The following DAZAP2 variants were observed in gnomAD, a reference collection of about 807,000 sequenced individuals.
DAZAP2 encodes the protein DAZ associated protein 2.
A neutral mutation model predicts 16.2 loss-of-function variants in DAZAP2; 3 were observed. The observed-to-expected ratio is 0.19, with a 90% CI of 0.08 to 0.48. The LOEUF (loss-of-function observed/expected upper bound fraction) is 0.48, where lower values mean the gene tolerates loss of function less well. Ranked by LOEUF, DAZAP2 falls within the 20% of genes least tolerant of loss-of-function variation. The probability of loss-of-function intolerance (pLI) is 0.98; values close to 1 mark genes in which losing one functional copy is unlikely to be tolerated. For synonymous variants in DAZAP2, 69 were observed against 77.6 expected, an observed-to-expected ratio of 0.89 and a Z score of 0.58; for missense variants, 172 against 215.9, an observed-to-expected ratio of 0.80 and a Z score of 1.27.
In DAZAP2 at chr12:51,242,947, C is replaced by T. The variant is rs891331325; in HGVS notation, c.*489C>T. The T allele has an allele frequency of 9.2e-7, 1 of 1,092,662 alleles. No homozygotes were observed. Among genetic ancestry groups the T allele is most frequent in the African/African-American group, 1.7e-5 (1 of 59,820 alleles). 67.7% of individuals were successfully genotyped at this position (1,092,662 alleles called of 1,614,324 possible). On this transcript the variant is annotated 3_prime_UTR_variant, in exon 4 of 4. Transcript: ENST00000412716. The stretch of plus-strand genomic sequence containing the variant: ...CCATCCCTTGCCCCACCCATCCCAT[C>T]TCCAACCCTAGTCTTCCATTTCCTC...
Position 51,242,556 on chromosome 12 carries a change from T to C in DAZAP2, c.*98T>C, listed in dbSNP as rs1944696789. Reference sequence around the variant, plus strand: ...GTCATATTAACCTGAAGTTGCAGTTTAGACACATGTTGTTGGGGTGTCTTT... The same window carrying C: ...GTCATATTAACCTGAAGTTGCAGTTCAGACACATGTTGTTGGGGTGTCTTT... On this transcript the variant is annotated 3_prime_UTR_variant, in exon 4 of 4. Coordinates refer to ENST00000412716, the MANE Select transcript of DAZAP2 (RefSeq NM_014764.4). 2 of 1,612,566 alleles carry C rather than the reference T, an allele frequency of 1.2e-6. No individual in the cohort carries two copies. Among genetic ancestry groups the C allele is most frequent in the South Asian group, 1.1e-5 (1 of 91,020 alleles).
chr12:51,241,561 A>G (rs541276530), intron 3 of DAZAP2, among the ~76,000 whole-genome samples: 1 of 152,290 alleles, frequency 6.6e-6, no homozygotes, highest in Non-Finnish European at 1.5e-5. Context: ...TTCCTACTTA[A>G]TTCCCCAGTG....
In DAZAP2 at chr12:51,243,610, C is replaced by T. The variant is rs1242538893; in HGVS notation, c.*1152C>T. On this transcript the variant is annotated 3_prime_UTR_variant, in exon 4 of 4. Coordinates refer to ENST00000412716, the MANE Select transcript of DAZAP2 (RefSeq NM_014764.4). The stretch of plus-strand genomic sequence containing the variant: ...ATTTTATCTTATAATTTCAGTTCAT[C>T]TAAATTGTGTGTTCTGTACATGTGA... The T allele has an allele frequency of 4.1e-6, 4 of 985,508 alleles. No individual in the cohort carries two copies. Among genetic ancestry groups the T allele is most frequent in the Non-Finnish European group, 4.8e-6 (4 of 829,820 alleles). 61.0% of individuals were successfully genotyped at this position (985,508 alleles called of 1,614,324 possible). A position where few individuals can be genotyped will look rare whatever the true frequency, so the allele number is the denominator to read the frequency against.
downstream of DAZAP2, chr12:51,244,659 A>G (rs544975727): frequency 3.9e-5 from 6 of 152,280 alleles, no homozygotes; most frequent in East Asian, 9.6e-4. Flanking sequence ...ACTTATCTTG[A>G]GACTAAAATC....
At chr12:51,239,973 T>G (rs1944641323) in intron 1 of DAZAP2, 1 of 226,112 alleles carries the variant, frequency 4.4e-6, no homozygotes, top group Non-Finnish European at 8.8e-6. Context: ...CTGGGCTGGT[T>G]GTAGACAGGC....
In DAZAP2 at chr12:51,242,677, C is replaced by G. The variant is rs1944699608; in HGVS notation, c.*219C>G. ...AAGCATTTTGAGGTAGGGGAGGTAT[C>G]CATTCATAAAATGAATGTGGGTGAA... On this transcript the variant is annotated 3_prime_UTR_variant, in exon 4 of 4. Coordinates refer to ENST00000412716, the MANE Select transcript of DAZAP2 (RefSeq NM_014764.4). The G allele has an allele frequency of 2.6e-6, 4 of 1,513,492 alleles. No individual in the cohort carries two copies. The highest frequency in any genetic ancestry group is 4.4e-5 in the Admixed American group (2 of 45,250). The allele number at this position is 1,513,492 out of a possible 1,614,324, so 93.8% of individuals were successfully genotyped here.
downstream of DAZAP2, among the ~76,000 whole-genome samples, chr12:51,244,093 T>C (rs36093915): frequency 0.027 from 4,170 of 152,352 alleles, 184 homozygotes; most frequent in African/African-American, 0.095. Context: ...AAGGTTCTGG[T>C]ATAGCAATTT....
intron 3 of DAZAP2, among the ~76,000 whole-genome samples, chr12:51,241,692 C>T (rs1457749521): frequency 2.0e-5 from 3 of 152,098 alleles, no homozygotes; most frequent in Admixed American, 6.6e-5. Flanking sequence ...GGGCGAAGCA[C>T]GGTGGCTCAC....
Position 51,243,172 on chromosome 12 carries a change from G to A in DAZAP2, c.*714G>A, listed in dbSNP as rs1329677796. On this transcript the variant is annotated 3_prime_UTR_variant, in exon 4 of 4. Transcript: ENST00000412716. Reference sequence around the variant, plus strand: ...CAGGCAAAAGTGGAGGGTGCCTTATGGGCCCTCCTCATAGGTTGTCTCTGC... The same window carrying A: ...CAGGCAAAAGTGGAGGGTGCCTTATAGGCCCTCCTCATAGGTTGTCTCTGC... 2.0e-6 allele frequency: 2 copies of A among 985,850 alleles called. No individual in the cohort carries two copies. The highest frequency in any genetic ancestry group is 3.5e-5 in the African/African-American group (2 of 57,204). The allele number at this position is 985,850 out of a possible 1,614,324, so 61.1% of individuals were successfully genotyped here.
At position 51,241,053 on chromosome 12, in the gene DAZAP2, G is replaced by A. The variant is rs775573312; in HGVS notation, c.315G>A (p.Leu105=). The part of the protein sequence containing the change: ...GPIYPPGSTV[L]VEGGYDAGAR... ...TCTATCCACCTGGCTCCACAGTGCT[G>A]GTGGAAGGAGGGTATGATGCAGGTG... The change falls in exon 3 of 4, where the codon CTG becomes CTA. Residue 105 remains leucine, a synonymous_variant. Transcript: ENST00000412716. 22 of 1,614,098 alleles carry A rather than the reference G, an allele frequency of 1.4e-5. No homozygotes were observed. The highest frequency in any genetic ancestry group is 1.7e-5 in the Non-Finnish European group (20 of 1,180,044).
At chr12:51,239,629 A>T (rs909047313) in intron 1 of DAZAP2, 35 of 152,362 alleles carry the variant, frequency 2.3e-4, no homozygotes, top group Middle Eastern at 3.4e-3. Flanking sequence ...AAAATACAAA[A>T]ATCAGCTGGG....
In DAZAP2 at chr12:51,238,931, A is replaced by G. The variant is rs1379424779; in HGVS notation, c.13+11A>G. On this transcript the variant is annotated intron_variant, in intron 1 of 3. Coordinates refer to ENST00000412716, the MANE Select transcript of DAZAP2 (RefSeq NM_014764.4). ...CCATGAACAGCAAAGGCAAGGACCG[A>G]GGGTGGCAGAGGCCGTCGGGGGGAG... 5 of 1,613,126 alleles carry G rather than the reference A, an allele frequency of 3.1e-6. No homozygotes were observed. The highest frequency in any genetic ancestry group is 4.2e-6 in the Non-Finnish European group (5 of 1,179,812).
At position 51,240,814 on chromosome 12, in the gene DAZAP2, G is replaced by A. The variant is rs138726539; in HGVS notation, c.133-57G>A. 3.6e-4 allele frequency: 565 copies of A among 1,584,664 alleles called. 1 individual carries two copies. In the African/African-American group the frequency reaches 6.7e-3, roughly 19 times the overall value. The stretch of plus-strand genomic sequence containing the variant: ...GAATTAAGAATTAGCTCATTAAAGA[G>A]ATCTCAAATAGGAATGTCATAAAGT... On this transcript the variant is annotated intron_variant, in intron 2 of 3. Transcript: ENST00000412716.
rs762165727 is a variant in DAZAP2 at position 51,240,830 on chromosome 12, G to C, written c.133-41G>C. The C allele has an allele frequency of 1.9e-6, 3 of 1,600,484 alleles. No homozygotes were observed. In the South Asian group the frequency reaches 3.3e-5, roughly 18 times the overall value. On this transcript the variant is annotated intron_variant, in intron 2 of 3. Coordinates refer to ENST00000412716, the MANE Select transcript of DAZAP2 (RefSeq NM_014764.4). ...CATTAAAGAGATCTCAAATAGGAAT[G>C]TCATAAAGTAACATTTTGCCTTCTC...
downstream of DAZAP2, chr12:51,243,949 T>G: frequency 1.0e-6 from 1 of 979,918 alleles, no homozygotes; most frequent in Non-Finnish European, 1.2e-6. Flanking sequence ...GATCATTTCA[T>G]GAATTCCATT....
At chr12:51,238,961 G>C in intron 1 of DAZAP2, 41 bp downstream of exon 1, 1 of 1,611,476 alleles carries the variant, frequency 6.2e-7, no homozygotes, top group Admixed American at 1.7e-5. Context: ...GGGGAGTACT[G>C]CTGGCCCAGA....
At chr12:51,239,479 A>AG (rs1944624900) in intron 1 of DAZAP2, 1 of 55,646 alleles carries the variant, frequency 1.8e-5, no homozygotes, top group Non-Finnish European at 5.6e-5. Flanking sequence ...AAAGGAATAG[A>AG]AAAAAAAAAA....
At chr12:51,242,196 T>C in intron 3 of DAZAP2, 134 bp from the exon 4 acceptor site, 1 of 1,268,326 alleles carries the variant, frequency 7.9e-7, no homozygotes, top group Non-Finnish European at 1.1e-6. Flanking sequence ...GAACTCAAAT[T>C]GGTGGCGGAA....
Position 51,238,876 on chromosome 12 carries a change from C to G in DAZAP2, c.-32C>G. 6.2e-7 allele frequency: 1 copy of G among 1,612,966 alleles called. No homozygotes were observed. The highest frequency in any genetic ancestry group is 8.5e-7 in the Non-Finnish European group (1 of 1,179,842). ...AGAGGACGAAAAAAATAACCGTCCGCGACGCCGAGACAAACCGGACCCGCA... is the reference window on the plus strand; with the variant it reads ...AGAGGACGAAAAAAATAACCGTCCGGGACGCCGAGACAAACCGGACCCGCA... On this transcript the variant is annotated 5_prime_UTR_variant, in exon 1 of 4. Coordinates refer to ENST00000412716, the MANE Select transcript of DAZAP2 (RefSeq NM_014764.4).
Sources: allele counts gnomAD v4.1 joint callset (sites outside exome capture counted in the v4.1 genomes callset), GRCh38; gene constraint gnomAD v4.1.1; transcripts MANE v1.5; gene names NCBI Gene and HGNC (gene_info 2026-07-23, HGNC 2026-07-21).